Variants in RPH3A observed in about 807,000 individuals in gnomAD.
The protein encoded by RPH3A is rabphilin 3A.
Under a neutral mutation model 102.2 loss-of-function variants are expected in RPH3A, and 48 were observed. The observed-to-expected ratio is 0.47, with a 90% CI of 0.37 to 0.60. The LOEUF is 0.60. RPH3A is among the 20% of genes least tolerant of loss of function. The pLI is 0.00. For missense variants in RPH3A, 781 were observed against 910.1 expected (o/e 0.86, Z 1.83); for synonymous variants, 310 against 324.3 (o/e 0.96, Z 0.47).
chr12:112,833,659 C>T (rs536095442), intron 3 of RPH3A, among the ~76,000 whole-genome samples: 13 of 119,578 alleles, frequency 1.1e-4, no homozygotes, highest in African/African-American at 4.2e-4. Flanking sequence ...AATTGCTTTA[C>T]AGAGGTAGAA....
At chr12:112,671,325 G>A (rs559850153) in intron 1 of RPH3A, among the ~76,000 whole-genome samples, 8 of 152,232 alleles carry the variant, frequency 5.3e-5, no homozygotes, top group East Asian at 1.9e-4. Flanking sequence ...AGGATTCCAG[G>A]CACCTTCTAC....
intron 1 of RPH3A, among the ~76,000 whole-genome samples, chr12:112,639,082 C>G (rs907672946): frequency 6.6e-6 from 1 of 152,166 alleles, no homozygotes; most frequent in African/African-American, 2.4e-5. Flanking sequence ...GCCTCAATCC[C>G]TCTGAGCCTC....
intron 1 of RPH3A, among the ~76,000 whole-genome samples, chr12:112,596,822 T>C (rs1157783637): frequency 1.3e-5 from 2 of 152,360 alleles, no homozygotes; most frequent in East Asian, 3.9e-4. Flanking sequence ...AAAATCATAA[T>C]ATTAAATCTT....
chr12:112,698,585 T>C (rs1355437791), intron 1 of RPH3A, among the ~76,000 whole-genome samples: 1 of 151,670 alleles, frequency 6.6e-6, no homozygotes, highest in African/African-American at 2.4e-5. Context: ...GTAGAACTTC[T>C]ATACTTTGAA....
At chr12:112,793,223 C>T (rs1205073578) in intron 2 of RPH3A, among the ~76,000 whole-genome samples, 1 of 152,236 alleles carries the variant, frequency 6.6e-6, no homozygotes, top group East Asian at 1.9e-4. Flanking sequence ...TTTTGAAATG[C>T]TTTTGATGCT....
chr12:112,640,325 CAAAAAAAAAAAAAAAAAAAA>C lies in RPH3A; in HGVS notation c.-140+65028_-140+65047del, dbSNP rs1158230534. ...GGTCAACAAGAGCAAAACTCCATCT[CAAAAAAAAAAAAAAAAAAAA>C]AAAAAAAAAAAAAAAAAAAAAGCAG... On this transcript the variant is annotated intron_variant, in intron 1 of 21. Transcript: ENST00000543106. 3.0e-3 allele frequency among the ~76,000 whole-genome samples: 42 copies of C among 14,074 alleles called. 1 individual carries two copies. The highest frequency in any genetic ancestry group is 4.5e-3 in the Admixed American group (4 of 896). The allele number at this position is 14,074 out of a possible 152,430, so 9.2% of individuals were successfully genotyped here.
intron 1 of RPH3A, among the ~76,000 whole-genome samples, chr12:112,730,934 C>T (rs1412043683): frequency 6.6e-6 from 1 of 152,176 alleles, no homozygotes; most frequent in Non-Finnish European, 1.5e-5. Context: ...CTGTAATTTA[C>T]CAGCTCTTGT....
At chr12:112,732,854 T>C (rs1181977488) in intron 1 of RPH3A, among the ~76,000 whole-genome samples, 2 of 152,182 alleles carry the variant, frequency 1.3e-5, no homozygotes, top group Admixed American at 6.5e-5. Context: ...AGTGTGTAAC[T>C]GTAACCATCA....
chr12:112,751,376 T>C (rs1001691122), intron 1 of RPH3A, among the ~76,000 whole-genome samples: 4 of 152,210 alleles, frequency 2.6e-5, no homozygotes, highest in Admixed American at 2.0e-4. Flanking sequence ...TTCTGCTGGT[T>C]TGTAGTTGTG....
chr12:112,882,800 A>C (rs939808177), intron 15 of RPH3A, among the ~76,000 whole-genome samples: 1 of 152,234 alleles, frequency 6.6e-6, no homozygotes, highest in African/African-American at 2.4e-5. Flanking sequence ...TGTTAGCATG[A>C]ATGAGATTTG....
At chr12:112,789,693 C>A (rs1474397870), upstream of RPH3A, among the ~76,000 whole-genome samples, 1 of 151,878 alleles carries the variant, frequency 6.6e-6, no homozygotes, top group Non-Finnish European at 1.5e-5. Flanking sequence ...CCACCACCAC[C>A]ACCACCATAA....
intron 1 of RPH3A, among the ~76,000 whole-genome samples, chr12:112,723,401 G>A (rs769911380): frequency 6.6e-6 from 1 of 152,204 alleles, no homozygotes; most frequent in Non-Finnish European, 1.5e-5. Flanking sequence ...GTACTATACT[G>A]TATTGATCTA....
At chr12:112,777,026 G>C (rs759935057) in intron 1 of RPH3A, among the ~76,000 whole-genome samples, 22 of 152,128 alleles carry the variant, frequency 1.4e-4, no homozygotes, top group Non-Finnish European at 2.9e-4. Flanking sequence ...GATGGGCAGA[G>C]CTACAAAATT....
chr12:112,653,368 T>TA (rs754219546), intron 1 of RPH3A, among the ~76,000 whole-genome samples: 2,480 of 109,194 alleles, frequency 0.023, 39 homozygotes, highest in African/African-American at 0.037. Flanking sequence ...AGACTCCATC[T>TA]AAAAAAAAAA....
At chr12:112,592,388 G>A (rs2039485028) in intron 1 of RPH3A, among the ~76,000 whole-genome samples, 1 of 152,198 alleles carries the variant, frequency 6.6e-6, no homozygotes, top group Non-Finnish European at 1.5e-5. Flanking sequence ...GTGTGATCTT[G>A]TTTCACTGCA....
chr12:112,766,673 C>T (rs558634164), intron 1 of RPH3A, among the ~76,000 whole-genome samples: 4 of 152,218 alleles, frequency 2.6e-5, no homozygotes, highest in South Asian at 4.2e-4. Context: ...TTTATTCCTA[C>T]GCCTGTCAGT....
chr12:112,878,782 T>C (rs1379723889), intron 13 of RPH3A, among the ~76,000 whole-genome samples: 7 of 152,228 alleles, frequency 4.6e-5, no homozygotes, highest in Admixed American at 4.6e-4. Flanking sequence ...CTTCAGCAAC[T>C]AAGTGAGCAC....
intron 1 of RPH3A, among the ~76,000 whole-genome samples, chr12:112,677,326 T>A (rs925511382): frequency 1.4e-5 from 2 of 140,394 alleles, no homozygotes; most frequent in Admixed American, 1.4e-4. Context: ...GTGGAGCCTG[T>A]CATTTTCCCT....
At chr12:112,821,984 A>C (rs1478099031) in intron 2 of RPH3A, among the ~76,000 whole-genome samples, 2 of 152,236 alleles carry the variant, frequency 1.3e-5, no homozygotes, top group South Asian at 2.1e-4. Context: ...AAAAAAAAAA[A>C]AACCCCTTCA....
Sources: allele counts gnomAD v4.1 joint callset (sites outside exome capture counted in the v4.1 genomes callset), GRCh38; gene constraint gnomAD v4.1.1; transcripts MANE v1.5; gene names NCBI Gene and HGNC (gene_info 2026-07-23, HGNC 2026-07-21).